Variants in ANKDD1B observed in about 807,000 individuals in gnomAD.
The protein encoded by ANKDD1B is ankyrin repeat and death domain containing 1B.
ANKDD1B carries 57 observed loss-of-function variants against 59.7 expected under a neutral mutation model. The observed-to-expected ratio is 0.95, with a 90% CI of 0.77 to 1.19. The LOEUF is 1.19. Among genes scored for constraint, ANKDD1B ranks in the 50% most tolerant of loss-of-function variants. The pLI is 0.00. For synonymous variants in ANKDD1B, 216 were observed against 239.5 expected (o/e 0.90, Z 0.91); for missense variants, 602 against 641.9 (o/e 0.94, Z 0.67).
chr5:75,655,360 GA>G (rs1438007981), intron 8 of ANKDD1B, among the ~76,000 whole-genome samples: 1 of 152,200 alleles, frequency 6.6e-6, no homozygotes, highest in Non-Finnish European at 1.5e-5. Context: ...AGCTGAGCAT[GA>G]GGATGGTGCC....
chr5:75,627,429 A>G (rs1448174746), intron 5 of ANKDD1B, among the ~76,000 whole-genome samples: 1 of 152,176 alleles, frequency 6.6e-6, no homozygotes, highest in Non-Finnish European at 1.5e-5. Context: ...ATTCCTATGT[A>G]GCAATATTGT....
chr5:75,658,918 A>G (rs1775044255), intron 9 of ANKDD1B, among the ~76,000 whole-genome samples: 1 of 152,200 alleles, frequency 6.6e-6, no homozygotes, highest in South Asian at 2.1e-4. Context: ...CTGAAATTTT[A>G]TATCTATTAA....
chr5:75,670,587 C>T (rs1366291441), intron 13 of ANKDD1B, among the ~76,000 whole-genome samples: 3 of 152,180 alleles, frequency 2.0e-5, no homozygotes, highest in Admixed American at 6.5e-5. Flanking sequence ...CCTCAAAGAG[C>T]GTATTTATGT....
At chr5:75,644,960 A>C (rs1774599960) in intron 7 of ANKDD1B, among the ~76,000 whole-genome samples, 1 of 129,598 alleles carries the variant, frequency 7.7e-6, no homozygotes, top group African/African-American at 4.5e-5. Context: ...AAAGCCGCTC[A>C]ACTACATGGA....
chr5:75,628,708 A>G (rs114577711), intron 5 of ANKDD1B, among the ~76,000 whole-genome samples: 331 of 152,318 alleles, frequency 2.2e-3, no homozygotes, highest in African/African-American at 7.6e-3. Context: ...AATGGATTTA[A>G]CTAGGCCAGG....
At chr5:75,641,899 G>A (rs6894068) in intron 7 of ANKDD1B, among the ~76,000 whole-genome samples, 14,318 of 152,164 alleles carry the variant, frequency 0.094, 1,657 homozygotes, top group African/African-American at 0.27. Flanking sequence ...AGATGATAAA[G>A]TTAGCTCCAA....
intron 3 of ANKDD1B, among the ~76,000 whole-genome samples, chr5:75,623,376 A>C (rs1773907319): frequency 6.6e-6 from 1 of 152,066 alleles, no homozygotes; most frequent in Admixed American, 6.6e-5. Context: ...TCTGGTCTCT[A>C]TTTGAAAGCA....
intron 2 of ANKDD1B, among the ~76,000 whole-genome samples, chr5:75,617,817 C>T (rs1455231348): frequency 6.6e-6 from 1 of 152,212 alleles, no homozygotes; most frequent in Non-Finnish European, 1.5e-5. Flanking sequence ...ATAGTCTAAA[C>T]TCAGGTTTCA....
At chr5:75,648,274 A>C (rs201058367) in intron 7 of ANKDD1B, among the ~76,000 whole-genome samples, 1 of 147,914 alleles carries the variant, frequency 6.8e-6, no homozygotes, top group East Asian at 2.0e-4. Flanking sequence ...AATTAAAAAA[A>C]AAAAAAAAAG....
intron 7 of ANKDD1B, among the ~76,000 whole-genome samples, chr5:75,649,020 G>T (rs1774743961): frequency 1.3e-5 from 2 of 152,104 alleles, no homozygotes. Context: ...CTCCATTTGT[G>T]TTGGGTGGAG....
rs748438463 is a variant in ANKDD1B at position 75,666,944 on chromosome 5, G to A, written c.1344G>A (p.Ser448=). 3.3e-6 allele frequency: 5 copies of A among 1,516,730 alleles called. No homozygotes were observed. The highest frequency in any genetic ancestry group is 1.2e-5 in the South Asian group (1 of 80,336). The allele number at this position is 1,516,730 out of a possible 1,614,324, so 94.0% of individuals were successfully genotyped here. A position where few individuals can be genotyped will look rare whatever the true frequency, so the allele number is the denominator to read the frequency against. The part of the protein sequence containing the change: ...KANEWQRLAR[S]WNFTDDQIRA... ...ATGAGTGGCAGAGGCTGGCCCGTTC[G>A]TGGAACTTTACAGATGACCAGATTA... is the stretch of plus-strand genomic sequence containing the variant. Residue 448 remains serine, a synonymous_variant, in exon 12 of 14, where the codon TCG becomes TCA. Coordinates refer to ENST00000601380, the MANE Select transcript of ANKDD1B (RefSeq NM_001276713.2).
intron 7 of ANKDD1B, among the ~76,000 whole-genome samples, chr5:75,648,908 T>C (rs1774738230): frequency 6.6e-6 from 1 of 152,144 alleles, no homozygotes; most frequent in South Asian, 2.1e-4. Flanking sequence ...GCTTTTGTGC[T>C]CCCTCCCACC....
rs1018977815 is a variant in ANKDD1B at position 75,656,027 on chromosome 5, A to G, written c.898-2A>G. 8.5e-6 allele frequency: 12 copies of G among 1,414,786 alleles called. No individual in the cohort carries two copies. The highest frequency in any genetic ancestry group is 4.3e-5 in the African/African-American group (3 of 69,836). 87.6% of individuals were successfully genotyped at this position (1,414,786 alleles called of 1,614,324 possible). On this transcript the variant is annotated splice_acceptor_variant, in intron 8 of 13. Transcript: ENST00000601380. LOFTEE classifies it high-confidence loss of function. ...ATTTGAAATTTTTATTTCTCTCTGCAGCCTAAGGAGTCCCCTCTTCATTTA... is the reference window on the plus strand; with the variant it reads ...ATTTGAAATTTTTATTTCTCTCTGCGGCCTAAGGAGTCCCCTCTTCATTTA...
intron 2 of ANKDD1B, 25 bp from the exon 3 acceptor site, chr5:75,620,290 A>G (rs1256332351): frequency 7.6e-7 from 1 of 1,307,996 alleles, no homozygotes; most frequent in Non-Finnish European, 1.1e-6. Flanking sequence ...TCAGATGACT[A>G]AAAACATAAA....
At chr5:75,625,820 G>A (rs545739747) in intron 4 of ANKDD1B, 31 bp from the exon 5 acceptor site, 1 of 1,530,706 alleles carries the variant, frequency 6.5e-7, no homozygotes, top group Non-Finnish European at 8.8e-7. Context: ...TGAGGTCACT[G>A]TCTATCTCCC....
At chr5:75,629,797 G>T (rs558752611) in intron 5 of ANKDD1B, among the ~76,000 whole-genome samples, 1 of 152,096 alleles carries the variant, frequency 6.6e-6, no homozygotes, top group South Asian at 2.1e-4. Flanking sequence ...ATTAGCTGGC[G>T]TATGGTGGTG....
intron 5 of ANKDD1B, chr5:75,634,668 A>G (rs536663247): frequency 1.8e-5 from 8 of 434,756 alleles, no homozygotes; most frequent in Non-Finnish European, 3.4e-5. Flanking sequence ...TCTGAACAGT[A>G]TTTGTGTGCC....
intron 1 of ANKDD1B, among the ~76,000 whole-genome samples, chr5:75,613,217 T>C (rs1773617659): frequency 6.6e-6 from 1 of 152,032 alleles, no homozygotes; most frequent in African/African-American, 2.4e-5. Flanking sequence ...ATACTTAAGT[T>C]TGGGGTAATG....
intron 7 of ANKDD1B, among the ~76,000 whole-genome samples, chr5:75,652,649 G>A (rs1476953295): frequency 6.6e-6 from 1 of 152,166 alleles, no homozygotes; most frequent in Non-Finnish European, 1.5e-5. Flanking sequence ...ATGTTGCCAG[G>A]GCTGATCTCA....
Sources: allele counts gnomAD v4.1 joint callset (sites outside exome capture counted in the v4.1 genomes callset), GRCh38; gene constraint gnomAD v4.1.1; transcripts MANE v1.5; gene names NCBI Gene and HGNC (gene_info 2026-07-23, HGNC 2026-07-21).